The following ESRRG variants were observed in gnomAD, a reference collection of about 807,000 sequenced individuals.
ESRRG encodes the protein estrogen-related receptor gamma.
Under a neutral mutation model 44.0 loss-of-function variants are expected in ESRRG, and 13 were observed. The observed-to-expected ratio is 0.30, with a 90% CI of 0.19 to 0.47. The LOEUF is 0.47. ESRRG is among the 20% of genes least tolerant of loss of function. ESRRG has a pLI of 1.00. For missense variants in ESRRG, 395 were observed against 580.6 expected (o/e 0.68, Z 3.29); for synonymous variants, 215 against 214.6 (o/e 1.00, Z -0.02).
intron 1 of ESRRG, among the ~76,000 whole-genome samples, chr1:216,990,452 G>C (rs2075514313): frequency 6.6e-6 from 1 of 151,772 alleles, no homozygotes; most frequent in Admixed American, 6.6e-5. Context: ...CTAAAGTTTA[G>C]CAAAAAGAGT....
chr1:216,514,183 C>T (rs2043515830), intron 6 of ESRRG, among the ~76,000 whole-genome samples: 2 of 151,966 alleles, frequency 1.3e-5, no homozygotes, highest in Non-Finnish European at 2.9e-5. Context: ...AATTGCAATA[C>T]TGTAATATGT....
intron 3 of ESRRG, among the ~76,000 whole-genome samples, chr1:216,600,977 A>G (rs557435037): frequency 2.3e-4 from 35 of 152,140 alleles, no homozygotes; most frequent in Non-Finnish European, 4.4e-4. Context: ...ATCTCAAATT[A>G]TGAGGGAGAA....
At chr1:216,957,188 C>T (rs747229827) in intron 1 of ESRRG, among the ~76,000 whole-genome samples, 6 of 152,138 alleles carry the variant, frequency 3.9e-5, no homozygotes, top group Non-Finnish European at 8.8e-5. Flanking sequence ...TTGCTCACCT[C>T]CCAGTCCTCT....
At chr1:217,069,440 T>C (rs1039257831) in intron 1 of ESRRG, among the ~76,000 whole-genome samples, 14 of 150,500 alleles carry the variant, frequency 9.3e-5, no homozygotes, top group East Asian at 3.9e-4. Flanking sequence ...TATATATATA[T>C]ACATATATAT....
At chr1:216,541,714 G>C (rs1467815136) in intron 5 of ESRRG, among the ~76,000 whole-genome samples, 1 of 151,674 alleles carries the variant, frequency 6.6e-6, no homozygotes, top group Non-Finnish European at 1.5e-5. Context: ...CAGGATATAG[G>C]GAATAGCTTA....
At chr1:216,802,879 G>C (rs762562601) in intron 2 of ESRRG, among the ~76,000 whole-genome samples, 3 of 152,102 alleles carry the variant, frequency 2.0e-5, no homozygotes, top group Admixed American at 2.0e-4. Flanking sequence ...GAGAGGAAAA[G>C]CAATACTAAA....
intron 2 of ESRRG, among the ~76,000 whole-genome samples, chr1:216,814,866 T>C (rs1427811146): frequency 6.6e-6 from 1 of 152,214 alleles, no homozygotes; most frequent in South Asian, 2.1e-4. Context: ...TTTTTAAAAT[T>C]TGATAATTTT....
intron 2 of ESRRG, among the ~76,000 whole-genome samples, chr1:216,930,128 C>G (rs75369606): frequency 1.3e-5 from 2 of 152,138 alleles, no homozygotes; most frequent in Non-Finnish European, 2.9e-5. Context: ...CTTTGAAGAA[C>G]CTTTCTCTGA....
intron 2 of ESRRG, among the ~76,000 whole-genome samples, chr1:216,837,858 T>C (rs1577095194): frequency 6.6e-6 from 1 of 152,194 alleles, no homozygotes. Flanking sequence ...GGTTACAAGG[T>C]CAGCCAGCTT....
intron 3 of ESRRG, among the ~76,000 whole-genome samples, chr1:216,569,111 A>AGGAAGGAAGAAGGAAG (rs1553355981): frequency 3.3e-4 from 34 of 104,468 alleles, no homozygotes; most frequent in African/African-American, 1.1e-3. Context: ...GAAGGAAGGA[A>AGGAAGGAAGAAGGAAG]GAAGGAAGGA....
At chr1:216,802,245 G>A (rs2094645015) in intron 2 of ESRRG, among the ~76,000 whole-genome samples, 1 of 152,014 alleles carries the variant, frequency 6.6e-6, no homozygotes, top group South Asian at 2.1e-4. Context: ...GTTTTACCCA[G>A]GGAAGAGGGA....
chr1:217,014,271 C>A (rs2079034580), intron 1 of ESRRG, among the ~76,000 whole-genome samples: 1 of 152,030 alleles, frequency 6.6e-6, no homozygotes, highest in Admixed American at 6.6e-5. Flanking sequence ...GCTATGGGAA[C>A]AGCTGTCATT....
At chr1:216,783,624 C>T (rs1327357777) in intron 2 of ESRRG, among the ~76,000 whole-genome samples, 2 of 151,988 alleles carry the variant, frequency 1.3e-5, no homozygotes, top group African/African-American at 2.4e-5. Flanking sequence ...GAATTGAGGT[C>T]CCCAGGTGAG....
At chr1:217,087,316 G>A (rs1650232791) in intron 1 of ESRRG, among the ~76,000 whole-genome samples, 1 of 152,178 alleles carries the variant, frequency 6.6e-6, no homozygotes, top group Non-Finnish European at 1.5e-5. Flanking sequence ...CCATTCTCAT[G>A]CTGATTCACA....
rs541613283 is a variant in ESRRG, at chr1:217,130,405, C to A, written c.-230+7262G>T. 5.3e-5 allele frequency among the ~76,000 whole-genome samples: 8 copies of A among 152,110 alleles called. No individual in the cohort carries two copies. The South Asian group carries it at 1.7e-3, about 32-fold the overall frequency. ...GCACCACCATGCCTGGCTAATTTTT[C>A]TTTTTCTTTTTTTAGACAAGGGATC... On this transcript the variant is annotated intron_variant, in intron 1 of 8. Transcript: ENST00000366940.
chr1:217,090,103 G>A (rs2092309226), upstream of ESRRG, among the ~76,000 whole-genome samples: 3 of 152,182 alleles, frequency 2.0e-5, no homozygotes, highest in African/African-American at 7.2e-5. Context: ...ACGCCTCTGG[G>A]TGTGTATATA....
At chr1:217,075,814 T>G (rs1580432520) in intron 1 of ESRRG, among the ~76,000 whole-genome samples, 1 of 152,224 alleles carries the variant, frequency 6.6e-6, no homozygotes, top group East Asian at 1.9e-4. Context: ...CTTACAGTTC[T>G]AAACAAAGAG....
chr1:216,526,692 AC>A (rs1480476694), intron 5 of ESRRG, among the ~76,000 whole-genome samples: 3 of 152,172 alleles, frequency 2.0e-5, no homozygotes, highest in Non-Finnish European at 2.9e-5. Flanking sequence ...ACTGTGGACT[AC>A]ACACTTCTGA....
chr1:216,974,425 C>T (rs2072427405), intron 1 of ESRRG, among the ~76,000 whole-genome samples: 1 of 152,086 alleles, frequency 6.6e-6, no homozygotes, highest in Admixed American at 6.6e-5. Flanking sequence ...ATAACCTAGA[C>T]CTAACTCTTG....
Sources: allele counts gnomAD v4.1 joint callset (sites outside exome capture counted in the v4.1 genomes callset), GRCh38; gene constraint gnomAD v4.1.1; transcripts MANE v1.5; gene names NCBI Gene and HGNC (gene_info 2026-07-23, HGNC 2026-07-21).